The following TSC22D1 variants were observed in gnomAD, a reference collection of about 807,000 sequenced individuals.
TSC22D1 encodes the protein TSC22 domain family member 1, also known as TSC22 domain family protein 1.
A neutral mutation model predicts 74.2 loss-of-function variants in TSC22D1; 9 were observed. The ratio of observed to expected loss-of-function variants is 0.12; its 90% CI spans 0.07 to 0.21. The LOEUF (loss-of-function observed/expected upper bound fraction) is 0.21, where lower values mean the gene tolerates loss of function less well. TSC22D1 is among the 10% of genes least tolerant of loss of function. TSC22D1 has a pLI of 1.00. For missense variants in TSC22D1, 1,427 were observed against 1,304.7 expected, an observed-to-expected ratio of 1.09 and a Z score of -1.44; for synonymous variants, 586 against 492.5, an observed-to-expected ratio of 1.19 and a Z score of -2.51.
chr13:44,437,366 GTTTTATT>G, intron 1 of TSC22D1: 1 of 568,084 alleles, frequency 1.8e-6, no homozygotes, highest in Non-Finnish European at 2.2e-6. Flanking sequence ...TTTATAGACG[GTTTTATT>G]TTTAAAGATA....
chr13:44,470,406 G>A (rs1028433876), intron 1 of TSC22D1, among the ~76,000 whole-genome samples: 28 of 152,194 alleles, frequency 1.8e-4, no homozygotes, highest in South Asian at 2.1e-4. Context: ...AATTGGATTC[G>A]AAAGGAAAAT....
chr13:44,517,144 ATG>A (rs956373456), intron 1 of TSC22D1, among the ~76,000 whole-genome samples: 9 of 152,192 alleles, frequency 5.9e-5, no homozygotes, highest in African/African-American at 1.2e-4. Context: ...TCTAGATTAT[ATG>A]TGTGTATATG....
chr13:44,439,912 GA>G (rs1875048560), intron 1 of TSC22D1, among the ~76,000 whole-genome samples: 1 of 152,178 alleles, frequency 6.6e-6, no homozygotes, highest in South Asian at 2.1e-4. Flanking sequence ...ATTCAGCACT[GA>G]AATAGAGTAA....
intron 1 of TSC22D1, among the ~76,000 whole-genome samples, chr13:44,545,538 A>C (rs540404053): frequency 6.6e-6 from 1 of 150,894 alleles, no homozygotes; most frequent in South Asian, 2.1e-4. Flanking sequence ...ATTTAGCTTT[A>C]TTCTTATAAT....
rs559410245 is a variant in TSC22D1 at position 44,493,517 on chromosome 13, T to A, written c.2913-57422A>T. 4.1e-4 allele frequency among the ~76,000 whole-genome samples: 63 copies of A among 152,316 alleles called. 1 individual carries two copies. The highest frequency in any genetic ancestry group is 1.5e-3 in the African/African-American group (61 of 41,566). The stretch of plus-strand genomic sequence containing the variant: ...TTACTGTTAAGGCACACAAAAGATA[T>A]GCTGCAGCCTGGGAAGAAAGATTCT... On this transcript the variant is annotated intron_variant, in intron 1 of 2. Coordinates refer to ENST00000458659, the MANE Select transcript of TSC22D1 (RefSeq NM_183422.4).
Position 44,432,550 on chromosome 13 carries a change from C to T in TSC22D1, c.*2076G>A, listed in dbSNP as rs1874132520. 1 of 134,290 alleles carries T rather than the reference C, an allele frequency of 7.4e-6. No individual in the cohort carries two copies. The highest frequency in any genetic ancestry group is 1.7e-5 in the Non-Finnish European group (1 of 58,134). The allele number at this position is 134,290 out of a possible 1,614,324, so 8.3% of individuals were successfully genotyped here. On this transcript the variant is annotated 3_prime_UTR_variant, in exon 3 of 3. Coordinates refer to ENST00000458659, the MANE Select transcript of TSC22D1 (RefSeq NM_183422.4). ...CTATCAGCCTATGGCAGTGAGCCAT[C>T]CATCATTTCAACAGGATGCCCGTGT... is the stretch of plus-strand genomic sequence containing the variant.
chr13:44,436,753 A>C, intron 1 of TSC22D1: 2 of 1,481,908 alleles, frequency 1.3e-6, no homozygotes, highest in South Asian at 3.0e-5. Context: ...GCCCTAATTT[A>C]AAGAAACCCA....
intron 1 of TSC22D1, among the ~76,000 whole-genome samples, chr13:44,568,508 T>C (rs1306772372): frequency 6.6e-6 from 1 of 151,980 alleles, no homozygotes; most frequent in East Asian, 1.9e-4. Context: ...AAAATAATTA[T>C]ATATATATAG....
intron 1 of TSC22D1, among the ~76,000 whole-genome samples, chr13:44,472,778 A>G (rs1877681286): frequency 6.6e-6 from 1 of 152,178 alleles, no homozygotes; most frequent in South Asian, 2.1e-4. Context: ...TCTTCAAGGA[A>G]AGGCAATTTT....
intron 1 of TSC22D1, among the ~76,000 whole-genome samples, chr13:44,540,816 AG>A (rs1179899213): frequency 6.6e-6 from 1 of 152,178 alleles, no homozygotes; most frequent in Non-Finnish European, 1.5e-5. Flanking sequence ...TAAGATAGGC[AG>A]ATACATATTT....
chr13:44,513,817 G>C (rs887878862), intron 1 of TSC22D1, among the ~76,000 whole-genome samples: 8 of 152,158 alleles, frequency 5.3e-5, no homozygotes, highest in African/African-American at 1.9e-4. Context: ...GCTAATTAAG[G>C]CCTTCGGGAA....
intron 1 of TSC22D1, chr13:44,452,510 G>A (rs968652733): frequency 1.3e-5 from 2 of 152,302 alleles, no homozygotes; most frequent in African/African-American, 4.8e-5. Flanking sequence ...CTGGGCCTCT[G>A]CGCCTCACAG....
At chr13:44,455,269 C>T (rs2138927704) in intron 1 of TSC22D1, among the ~76,000 whole-genome samples, 1 of 152,242 alleles carries the variant, frequency 6.6e-6, no homozygotes, top group South Asian at 2.1e-4. Flanking sequence ...AAGAACTCTT[C>T]CAGCAGGGAG....
At chr13:44,528,495 G>A (rs1371638352) in intron 1 of TSC22D1, among the ~76,000 whole-genome samples, 2 of 151,802 alleles carry the variant, frequency 1.3e-5, no homozygotes, top group African/African-American at 4.8e-5. Flanking sequence ...CAAACTAAAT[G>A]AAAATAAAAA....
intron 1 of TSC22D1, among the ~76,000 whole-genome samples, chr13:44,460,343 A>G (rs545821829): frequency 6.6e-6 from 1 of 152,314 alleles, no homozygotes; most frequent in African/African-American, 2.4e-5. Context: ...TTTTTTTCAA[A>G]TACGAAAACC....
chr13:44,568,269 G>T (rs567312346), intron 1 of TSC22D1, among the ~76,000 whole-genome samples: 20 of 152,218 alleles, frequency 1.3e-4, no homozygotes, highest in African/African-American at 4.8e-4. Flanking sequence ...AAGCCAAGAA[G>T]GCAACCAGTC....
Position 44,575,767 on chromosome 13 carries a change from G to A in TSC22D1, c.308C>T (p.Thr103Ile), listed in dbSNP as rs764123518. Residue 103 changes from threonine to isoleucine, a missense_variant, in exon 1 of 3, where the codon ACT becomes ATT. Transcript: ENST00000458659. ...GAAGCCACTTTTCTTTTTCATTTGA[G>A]TTCCGCCTGGCGCAAGAGGCTGTGC... ...LQAQPLAPGG[T>I]QMKKKSGFQI... 1 of 1,614,210 alleles carries A rather than the reference G, an allele frequency of 6.2e-7. No homozygotes were observed. Among genetic ancestry groups the A allele is most frequent in the Non-Finnish European group, 8.5e-7 (1 of 1,180,034 alleles).
At position 44,449,162 on chromosome 13, in the gene TSC22D1, T is replaced by C. The variant is rs1875923539; in HGVS notation, c.2913-13067A>G. On this transcript the variant is annotated intron_variant, in intron 1 of 2. Transcript: ENST00000458659. ...TTGGTGAGAACTGGCCCTCCACAGC[T>C]TCCTTTCTGAGGCTGGGCAGGCTGA... Among the ~76,000 whole-genome samples, 3 of 152,122 alleles carry C rather than the reference T, an allele frequency of 2.0e-5. No homozygotes were observed. The South Asian group carries it at 6.2e-4, about 32-fold the overall frequency.
intron 1 of TSC22D1, among the ~76,000 whole-genome samples, chr13:44,515,587 G>C (rs1273103915): frequency 6.6e-6 from 1 of 151,958 alleles, no homozygotes; most frequent in Non-Finnish European, 1.5e-5. Flanking sequence ...ACAGACATGT[G>C]CCACCATACC....
Sources: gnomAD v4.1 joint callset for allele counts (sites outside exome capture counted in the v4.1 genomes callset) on GRCh38, gnomAD v4.1.1 for gene constraint, MANE v1.5 for transcripts, NCBI Gene and HGNC (gene_info 2026-07-23, HGNC 2026-07-21) for gene names.